Variants in MGMT observed in about 807,000 individuals in gnomAD.
MGMT encodes methylated-DNA--protein-cysteine methyltransferase.
Under a neutral mutation model 15.9 loss-of-function variants are expected in MGMT, and 14 were observed. The observed-to-expected ratio is 0.88, with a 90% CI of 0.58 to 1.37. MGMT has a LOEUF of 1.37. MGMT is among the 40% of genes most tolerant of loss of function. MGMT has a pLI of 0.00. For synonymous variants in MGMT, 130 were observed against 118.2 expected, an observed-to-expected ratio of 1.10 and a Z score of -0.65; for missense variants, 282 against 268.1, an observed-to-expected ratio of 1.05 and a Z score of -0.36.
intron 2 of MGMT, among the ~76,000 whole-genome samples, chr10:129,557,042 C>T (rs1846222084): frequency 6.6e-6 from 1 of 152,184 alleles, no homozygotes; most frequent in Non-Finnish European, 1.5e-5. Flanking sequence ...TCGCTTCGCC[C>T]TCTTACTGGT....
At position 129,532,413 on chromosome 10, in the gene MGMT, G is replaced by A. The variant is rs1204385162; in HGVS notation, c.-12-3828G>A. Among the ~76,000 whole-genome samples the A allele has an allele frequency of 6.6e-6, 1 of 152,180 alleles. No individual in the cohort carries two copies. Among genetic ancestry groups the A allele is most frequent in the African/African-American group, 2.4e-5 (1 of 41,460 alleles). On this transcript the variant is annotated intron_variant, in intron 1 of 4. Transcript: ENST00000651593. This position sits in a 1 kb window ranked among gnomAD's most constrained non-coding sequence, Gnocchi z 5.3. The stretch of plus-strand genomic sequence containing the variant: ...CCCAACCGCTGGCCTCCCAAGTTTG[G>A]CTTCTTGTGGTCAGGGCCCAGACCA...
chr10:129,559,921 G>A (rs1049835304), intron 2 of MGMT, among the ~76,000 whole-genome samples: 2 of 152,190 alleles, frequency 1.3e-5, no homozygotes, highest in Admixed American at 6.5e-5. Flanking sequence ...TGCAGGTGCT[G>A]TTCCTTGGAT....
chr10:129,624,544 CA>C (rs1847125104), intron 2 of MGMT, among the ~76,000 whole-genome samples: 1 of 152,056 alleles, frequency 6.6e-6, no homozygotes, highest in Non-Finnish European at 1.5e-5. Context: ...TCCATGAAAA[CA>C]AAACAGAAAT....
chr10:129,741,405 G>A (rs965201411), intron 3 of MGMT, among the ~76,000 whole-genome samples: 20 of 152,222 alleles, frequency 1.3e-4, no homozygotes, highest in Non-Finnish European at 2.9e-5. Flanking sequence ...GAGTGGCCAC[G>A]CGTGTGGTGC....
intron 3 of MGMT, among the ~76,000 whole-genome samples, chr10:129,714,018 A>G (rs866746067): frequency 6.6e-6 from 1 of 152,232 alleles, no homozygotes; most frequent in South Asian, 2.1e-4. Flanking sequence ...CAGAACAAGA[A>G]TGTCAGATAA....
At chr10:129,506,934 G>A (rs1196050197) in intron 1 of MGMT, among the ~76,000 whole-genome samples, 1 of 150,076 alleles carries the variant, frequency 6.7e-6, no homozygotes, top group Admixed American at 6.6e-5. Context: ...AGTCAGGGCT[G>A]TGGGCCCTGA....
At chr10:129,692,528 T>G (rs1037079797) in intron 2 of MGMT, among the ~76,000 whole-genome samples, 1 of 152,190 alleles carries the variant, frequency 6.6e-6, no homozygotes, top group African/African-American at 2.4e-5. Context: ...GTTTGGTATG[T>G]GGAGGCATGT....
At chr10:129,606,806 A>G (rs1846896830) in intron 2 of MGMT, among the ~76,000 whole-genome samples, 1 of 152,238 alleles carries the variant, frequency 6.6e-6, no homozygotes, top group Non-Finnish European at 1.5e-5. Flanking sequence ...ATAAAGGAAT[A>G]TTGAGTCACT....
At chr10:129,611,205 A>C (rs1232430416) in intron 2 of MGMT, among the ~76,000 whole-genome samples, 1 of 152,178 alleles carries the variant, frequency 6.6e-6, no homozygotes, top group African/African-American at 2.4e-5. Flanking sequence ...GAGACTGGGT[A>C]ATTTATGAAA....
intron 2 of MGMT, among the ~76,000 whole-genome samples, chr10:129,685,852 GT>G (rs1203015566): frequency 2.6e-5 from 4 of 152,136 alleles, no homozygotes; most frequent in Non-Finnish European, 5.9e-5. Flanking sequence ...CTTCCTCTGG[GT>G]TTCTAAGTAA....
At chr10:129,606,109 G>C (rs1846886949) in intron 2 of MGMT, among the ~76,000 whole-genome samples, 1 of 152,156 alleles carries the variant, frequency 6.6e-6, no homozygotes. Context: ...CAAGAGGCTT[G>C]ACATAAGTAA....
At chr10:129,583,053 CTT>C (rs1228154106) in intron 2 of MGMT, among the ~76,000 whole-genome samples, 2 of 152,128 alleles carry the variant, frequency 1.3e-5, no homozygotes, top group African/African-American at 4.8e-5. Flanking sequence ...GGAAAAAAAT[CTT>C]ATATCTTTCT....
intron 2 of MGMT, among the ~76,000 whole-genome samples, chr10:129,653,920 T>A (rs1297848967): frequency 6.6e-6 from 1 of 151,914 alleles, no homozygotes; most frequent in Non-Finnish European, 1.5e-5. Context: ...GGCCCTGCAG[T>A]CAAGGGGCCA....
At chr10:129,624,180 A>C (rs143401498) in intron 2 of MGMT, among the ~76,000 whole-genome samples, 1 of 152,312 alleles carries the variant, frequency 6.6e-6, no homozygotes, top group African/African-American at 2.4e-5. Flanking sequence ...ACAATTATTA[A>C]TCAGTTTTAA....
intron 2 of MGMT, among the ~76,000 whole-genome samples, chr10:129,567,523 G>A (rs1477200367): frequency 1.3e-5 from 2 of 152,142 alleles, no homozygotes; most frequent in Admixed American, 6.5e-5. Context: ...GGGGTTCAGG[G>A]TGCCCCAACA....
At chr10:129,583,325 A>G (rs904682927) in intron 2 of MGMT, among the ~76,000 whole-genome samples, 2 of 152,204 alleles carry the variant, frequency 1.3e-5, no homozygotes, top group African/African-American at 4.8e-5. Context: ...CAGAAGACCT[A>G]ATTCATTGTT....
chr10:129,639,695 A>G (rs1353528782), intron 2 of MGMT, among the ~76,000 whole-genome samples: 1 of 152,204 alleles, frequency 6.6e-6, no homozygotes, highest in Non-Finnish European at 1.5e-5. Flanking sequence ...GTGTGCTTTG[A>G]GGGAAATTTA....
intron 2 of MGMT, among the ~76,000 whole-genome samples, chr10:129,672,519 G>A (rs75040946): frequency 1.2e-4 from 19 of 152,024 alleles, no homozygotes; most frequent in East Asian, 7.7e-4. Context: ...CTTGTTCTCC[G>A]TTATTTCCCA....
chr10:129,726,745 A>G (rs776612812), intron 3 of MGMT, among the ~76,000 whole-genome samples: 3 of 152,204 alleles, frequency 2.0e-5, no homozygotes, highest in Non-Finnish European at 4.4e-5. Context: ...CCCCTACTCC[A>G]TAATATGGTC....
Sources: gnomAD v4.1 joint callset for allele counts (sites outside exome capture counted in the v4.1 genomes callset) on GRCh38, gnomAD v4.1.1 for gene constraint, Gnocchi (gnomAD v3.1) non-coding constraint, MANE v1.5 for transcripts, NCBI Gene and HGNC (gene_info 2026-07-23, HGNC 2026-07-21) for gene names.